Variants in ADGRV1 observed in about 807,000 individuals in gnomAD.
ADGRV1 encodes G-protein coupled receptor 98.
A neutral mutation model predicts 596.2 loss-of-function variants in ADGRV1; 359 were observed. The ratio of observed to expected loss-of-function variants is 0.60; its 90% CI spans 0.55 to 0.66. The LOEUF (loss-of-function observed/expected upper bound fraction) is 0.66. Ranked by LOEUF, ADGRV1 falls within the 30% of genes least tolerant of loss-of-function variation. The probability of loss-of-function intolerance (pLI) is 0.00; values close to 1 mark genes in which losing one functional copy is unlikely to be tolerated. For missense variants in ADGRV1, 7,274 were observed against 7,575.6 expected (o/e 0.96, Z 1.48); for synonymous variants, 2,681 against 2,679.2 (o/e 1.00, Z -0.02).
At chr5:90,920,015 A>AAAT (rs1491328551) in intron 83 of ADGRV1, among the ~76,000 whole-genome samples, 1 of 143,204 alleles carries the variant, frequency 7.0e-6, no homozygotes, top group African/African-American at 2.6e-5. Flanking sequence ...AAAAAAAAAA[A>AAAT]GAAAAATATT....
Position 90,628,641 on chromosome 5 carries a change from A to G in ADGRV1, c.1318A>G (p.Thr440Ala). 1 of 1,613,968 alleles carries G rather than the reference A, an allele frequency of 6.2e-7. No individual in the cohort carries two copies. The highest frequency in any genetic ancestry group is 8.5e-7 in the Non-Finnish European group (1 of 1,179,826). ...SANWVLTRNS[T>A]DPSPVTADIR... ...GAATTGGGTGTTGACACGGAACAGC[A>G]CTGATCCCTCACCAGTAACAGCAGA... Residue 440 changes from threonine (T) to alanine (A), a missense_variant, in exon 8 of 90, where the codon ACT becomes GCT. By Grantham distance (58) the Thr-to-Ala change is moderately conservative. This residue lies in a region of ADGRV1 where 1,715 missense variants were observed against 1,708.8 expected (regional missense o/e 1.00). Transcript: ENST00000405460.
At chr5:91,053,285 G>T in intron 85 of ADGRV1, among the ~76,000 whole-genome samples, 1 of 152,054 alleles carries the variant, frequency 6.6e-6, no homozygotes, top group East Asian at 1.9e-4. Context: ...AGTCTCTCTA[G>T]GCCCTTTTTC....
chr5:90,666,116 G>A (rs1771322118), intron 21 of ADGRV1, among the ~76,000 whole-genome samples: 2 of 151,158 alleles, frequency 1.3e-5, no homozygotes, highest in African/African-American at 4.9e-5. Context: ...GAGTTCTGTA[G>A]ATGTCTATTA....
intron 86 of ADGRV1, among the ~76,000 whole-genome samples, chr5:91,099,982 A>T (rs1791225876): frequency 6.6e-6 from 1 of 152,210 alleles, no homozygotes; most frequent in Non-Finnish European, 1.5e-5. Context: ...ATTCTCCCCT[A>T]AAAGAAACCA....
chr5:90,743,382 G>T (rs961149633), intron 50 of ADGRV1, among the ~76,000 whole-genome samples: 22 of 151,688 alleles, frequency 1.5e-4, no homozygotes, highest in African/African-American at 5.3e-4. Flanking sequence ...GGGGCTTTCC[G>T]TTGTAACCTA....
At chr5:90,849,538 C>T (rs965595376) in intron 79 of ADGRV1, among the ~76,000 whole-genome samples, 5 of 152,074 alleles carry the variant, frequency 3.3e-5, no homozygotes, top group Non-Finnish European at 5.9e-5. Flanking sequence ...CAGAGGCGTG[C>T]ACCACCACAC....
chr5:90,689,938 A>G lies in ADGRV1; in HGVS notation c.6568A>G (p.Ile2190Val), dbSNP rs750689305. ...CAGTAAAGCCGTGCCAATATATGTCATTAATGATATCTATCCTGAACTGGA... is the reference window on the plus strand; with the variant it reads ...CAGTAAAGCCGTGCCAATATATGTCGTTAATGATATCTATCCTGAACTGGA... ...ETSKAVPIYV[I>V]NDIYPELEES... The change falls in exon 30 of 90, where the codon ATT becomes GTT. Residue 2190 changes from isoleucine (I) to valine (V), a missense_variant. Transcript: ENST00000405460. 46 of 1,613,044 alleles carry G rather than the reference A, an allele frequency of 2.9e-5. No homozygotes were observed. Among genetic ancestry groups the G allele is most frequent in the Non-Finnish European group, 3.8e-5 (45 of 1,179,412 alleles).
intron 87 of ADGRV1, among the ~76,000 whole-genome samples, chr5:91,137,180 G>T (rs2126824627): frequency 6.6e-6 from 1 of 151,542 alleles, no homozygotes. Context: ...TGAACTCCTG[G>T]GCTCAAACGA....
intron 87 of ADGRV1, among the ~76,000 whole-genome samples, chr5:91,106,713 A>G (rs1306394662): frequency 1.3e-5 from 2 of 152,234 alleles, no homozygotes; most frequent in African/African-American, 2.4e-5. Context: ...ATGGCTGGGC[A>G]CTGACATCTT....
intron 9 of ADGRV1, among the ~76,000 whole-genome samples, chr5:90,631,493 T>G (rs1046877179): frequency 2.0e-5 from 3 of 151,848 alleles, no homozygotes; most frequent in Admixed American, 2.0e-4. Flanking sequence ...GCATTTGCCA[T>G]CTTCCCCAGA....
intron 73 of ADGRV1, 76 bp downstream of exon 73, chr5:90,807,813 G>A (rs1762050517): frequency 1.6e-6 from 2 of 1,288,808 alleles, no homozygotes; most frequent in Non-Finnish European, 2.1e-6. Flanking sequence ...ACAGAAAAAG[G>A]CACAAGGGTT....
chr5:90,894,054 A>C (rs1771076322), intron 83 of ADGRV1, among the ~76,000 whole-genome samples: 1 of 152,196 alleles, frequency 6.6e-6, no homozygotes, highest in Non-Finnish European at 1.5e-5. Context: ...AAGACTCAAA[A>C]TATTAATGGA....
chr5:90,688,817 G>A (rs1746058050), intron 29 of ADGRV1, among the ~76,000 whole-genome samples: 1 of 152,142 alleles, frequency 6.6e-6, no homozygotes, highest in Non-Finnish European at 1.5e-5. Flanking sequence ...TGACTACTGA[G>A]GAATGCAGGG....
chr5:90,980,728 GT>G (rs1251591816), intron 84 of ADGRV1, among the ~76,000 whole-genome samples: 1 of 152,284 alleles, frequency 6.6e-6, no homozygotes, highest in East Asian at 1.9e-4. Context: ...CGTTCTGTTA[GT>G]TCCACATTGG....
intron 21 of ADGRV1, among the ~76,000 whole-genome samples, chr5:90,662,852 A>G (rs1275849085): frequency 6.6e-6 from 1 of 151,880 alleles, no homozygotes; most frequent in Non-Finnish European, 1.5e-5. Context: ...ATGAGTGAGA[A>G]TATGTGGTGT....
chr5:90,654,022 T>G (rs762537092), intron 20 of ADGRV1, 70 bp downstream of exon 20: 129 of 1,494,224 alleles, frequency 8.6e-5, no homozygotes, highest in Non-Finnish European at 8.5e-5. Context: ...AAATTTAGAT[T>G]TTTAAAAAAG....
intron 82 of ADGRV1, among the ~76,000 whole-genome samples, chr5:90,860,651 T>C (rs1395635216): frequency 1.3e-5 from 2 of 151,778 alleles, no homozygotes; most frequent in Non-Finnish European, 2.9e-5. Context: ...GTTTTTGAAA[T>C]TAAAATTAAT....
chr5:90,926,408 G>T (rs1234255029), intron 83 of ADGRV1, among the ~76,000 whole-genome samples: 1 of 148,416 alleles, frequency 6.7e-6, no homozygotes, highest in Non-Finnish European at 1.5e-5. Flanking sequence ...AGATTTTCTA[G>T]TTTATTTGCG....
intron 83 of ADGRV1, among the ~76,000 whole-genome samples, chr5:90,917,014 A>G (rs978766529): frequency 6.6e-6 from 1 of 152,202 alleles, no homozygotes; most frequent in Non-Finnish European, 1.5e-5. Flanking sequence ...ATTGTAAGTT[A>G]GTAGAAAACA....
Sources: allele counts gnomAD v4.1 joint callset (sites outside exome capture counted in the v4.1 genomes callset), GRCh38; gene constraint gnomAD v4.1.1; regional missense constraint gnomAD v4.1.1; transcripts MANE v1.5; gene names NCBI Gene and HGNC (gene_info 2026-07-23, HGNC 2026-07-21).